Variants in LRRC8B observed in about 807,000 individuals in gnomAD.
LRRC8B encodes leucine rich repeat containing 8 VRAC subunit B.
In LRRC8B, 23 loss-of-function variants were observed where a neutral mutation model predicts 58.8. The ratio of observed to expected loss-of-function variants is 0.39; its 90% CI spans 0.28 to 0.55. The LOEUF (loss-of-function observed/expected upper bound fraction) is 0.55. LRRC8B is among the 20% of genes least tolerant of loss of function. The pLI is 0.62. For synonymous variants in LRRC8B, 359 were observed against 374.1 expected (o/e 0.96, Z 0.47); for missense variants, 694 against 936.0 (o/e 0.74, Z 3.37).
At chr1:89,532,749 C>T (rs982695056) in intron 1 of LRRC8B, among the ~76,000 whole-genome samples, 1 of 152,240 alleles carries the variant, frequency 6.6e-6, no homozygotes, top group African/African-American at 2.4e-5. Context: ...TGGACTAATA[C>T]ACCAATTAGT....
chr1:89,578,291 G>T (rs952762941), intron 3 of LRRC8B, among the ~76,000 whole-genome samples: 1 of 152,130 alleles, frequency 6.6e-6, no homozygotes, highest in African/African-American at 2.4e-5. Context: ...TTCTTTTCTG[G>T]CATGTTACAA....
At chr1:89,530,560 G>A (rs1418966474) in intron 1 of LRRC8B, among the ~76,000 whole-genome samples, 4 of 152,126 alleles carry the variant, frequency 2.6e-5, no homozygotes, top group African/African-American at 7.2e-5. Flanking sequence ...TATTTTTGTA[G>A]AGGGCCAGAG....
chr1:89,570,311 T>A (rs1653365812), intron 3 of LRRC8B, among the ~76,000 whole-genome samples: 1 of 152,242 alleles, frequency 6.6e-6, no homozygotes, highest in African/African-American at 2.4e-5. Context: ...TCTTCTACAA[T>A]GGTTGAACTA....
Position 89,580,402 on chromosome 1 carries a change from G to A in LRRC8B, c.-27+714G>A, listed in dbSNP as rs113594665. The stretch of plus-strand genomic sequence containing the variant: ...CAGATGTTATAATCAGTATTTCAGC[G>A]TAACAGCTGTCTCATGACTAGCTGA... On this transcript the variant is annotated intron_variant, in intron 4 of 5. Transcript: ENST00000330947. Among the ~76,000 whole-genome samples the A allele has an allele frequency of 1.0e-2, 1,519 of 152,262 alleles. 24 individuals are homozygous for A. Among genetic ancestry groups the A allele is most frequent in the African/African-American group, 0.035 (1,436 of 41,524 alleles).
rs1159412077 is a variant in LRRC8B, at chr1:89,595,718, A to G, written c.*2675A>G. 4 of 152,166 alleles carry G rather than the reference A, an allele frequency of 2.6e-5. No individual in the cohort carries two copies. Among genetic ancestry groups the G allele is most frequent in the Non-Finnish European group, 5.9e-5 (4 of 67,976 alleles). 9.4% of individuals were successfully genotyped at this position (152,166 alleles called of 1,614,324 possible). ...TTTTGAGACAAGGTAGCCCTGATGC[A>G]AGGAAAAATGAGGCTACTACTTCAC... On this transcript the variant is annotated 3_prime_UTR_variant, in exon 6 of 6. Transcript: ENST00000330947.
At chr1:89,532,600 G>A (rs1264074084) in intron 1 of LRRC8B, among the ~76,000 whole-genome samples, 1 of 152,134 alleles carries the variant, frequency 6.6e-6, no homozygotes, top group African/African-American at 2.4e-5. Flanking sequence ...CTGTCTCCTG[G>A]CACCCTGTGA....
At chr1:89,530,835 T>C (rs1158485217) in intron 1 of LRRC8B, among the ~76,000 whole-genome samples, 2 of 152,148 alleles carry the variant, frequency 1.3e-5, no homozygotes, top group African/African-American at 4.8e-5. Context: ...GGGGGTGCTA[T>C]TGACAGGTGC....
At position 89,597,413 on chromosome 1, in the gene LRRC8B, G is replaced by C. The variant is rs1655348332; in HGVS notation, c.*4370G>C. The stretch of plus-strand genomic sequence containing the variant: ...TGCATGTTGTACATTATCTCTAACA[G>C]AGATGGTGCAATTTTAAGAATACAA... On this transcript the variant is annotated 3_prime_UTR_variant, in exon 6 of 6. Transcript: ENST00000330947. 1 of 152,162 alleles carries C rather than the reference G, an allele frequency of 6.6e-6. No homozygotes were observed. Among genetic ancestry groups the C allele is most frequent in the Non-Finnish European group, 1.5e-5 (1 of 68,032 alleles). The allele number at this position is 152,162 out of a possible 1,614,324, so 9.4% of individuals were successfully genotyped here. A position where few individuals can be genotyped will look rare whatever the true frequency, so the allele number is the denominator to read the frequency against.
At chr1:89,554,855 C>T (rs1332489407) in intron 1 of LRRC8B, among the ~76,000 whole-genome samples, 1 of 152,140 alleles carries the variant, frequency 6.6e-6, no homozygotes, top group Non-Finnish European at 1.5e-5. Context: ...TCTTTTTGCC[C>T]TTCAAATTTG....
intron 1 of LRRC8B, among the ~76,000 whole-genome samples, chr1:89,542,504 G>A (rs555890459): frequency 2.6e-5 from 4 of 152,164 alleles, no homozygotes; most frequent in Non-Finnish European, 5.9e-5. Context: ...TTTACTGAAT[G>A]ACTGAGTGAA....
chr1:89,558,388 A>G (rs1189167951), intron 1 of LRRC8B, among the ~76,000 whole-genome samples: 1 of 152,102 alleles, frequency 6.6e-6, no homozygotes, highest in Non-Finnish European at 1.5e-5. Flanking sequence ...CTGAGACATC[A>G]CTTTGTCTTT....
intron 4 of LRRC8B, among the ~76,000 whole-genome samples, chr1:89,582,224 A>G (rs1228199879): frequency 7.9e-6 from 1 of 126,468 alleles, no homozygotes; most frequent in Non-Finnish European, 1.9e-5. Context: ...AAAAAAAAGG[A>G]AGAAAAAAAG....
chr1:89,532,117 C>G (rs773177565), intron 1 of LRRC8B, among the ~76,000 whole-genome samples: 2 of 152,168 alleles, frequency 1.3e-5, no homozygotes, highest in Non-Finnish European at 2.9e-5. Context: ...ACTTTCTTCT[C>G]AAGAGTCAGC....
chr1:89,579,513 G>T (rs188590269), intron 3 of LRRC8B, 78 bp from the exon 4 acceptor site: 1 of 152,724 alleles, frequency 6.5e-6, no homozygotes, highest in East Asian at 1.9e-4. Flanking sequence ...ATGACTGAGA[G>T]GGCTTCTGGA....
At position 89,595,802 on chromosome 1, in the gene LRRC8B, A is replaced by G. The variant is rs1489388766; in HGVS notation, c.*2759A>G. The G allele has an allele frequency of 3.3e-5, 5 of 152,168 alleles. No homozygotes were observed. Among genetic ancestry groups the G allele is most frequent in the African/African-American group, 1.2e-4 (5 of 41,468 alleles). The allele number at this position is 152,168 out of a possible 1,614,324, so 9.4% of individuals were successfully genotyped here. The stretch of plus-strand genomic sequence containing the variant: ...TACTGTTGGAGCAGATCTTTATTTT[A>G]CAAGTGTTCATATTCACATAAGAGA... On this transcript the variant is annotated 3_prime_UTR_variant, in exon 6 of 6. Coordinates refer to ENST00000330947, the MANE Select transcript of LRRC8B (RefSeq NM_001369817.2).
At chr1:89,549,209 A>C (rs888777985) in intron 1 of LRRC8B, among the ~76,000 whole-genome samples, 1 of 152,244 alleles carries the variant, frequency 6.6e-6, no homozygotes, top group African/African-American at 2.4e-5. Flanking sequence ...AAACAAAACC[A>C]GAGCAGTTCT....
Position 89,593,212 on chromosome 1 carries a change from T to G in LRRC8B, c.*169T>G, listed in dbSNP as rs1485590105. ...CAACCTGGTGAAACCCCATCTCTGC[T>G]AAAACTACAAAAAAATTAGCCAGGC... On this transcript the variant is annotated 3_prime_UTR_variant, in exon 6 of 6. Coordinates refer to ENST00000330947, the MANE Select transcript of LRRC8B (RefSeq NM_001369817.2). The G allele has an allele frequency of 1.6e-6, 1 of 614,490 alleles. No homozygotes were observed. The highest frequency in any genetic ancestry group is 2.8e-6 in the Non-Finnish European group (1 of 358,076). The allele number at this position is 614,490 out of a possible 1,614,324, so 38.1% of individuals were successfully genotyped here.
chr1:89,546,037 C>CTA (rs1175153608), intron 1 of LRRC8B, among the ~76,000 whole-genome samples: 2 of 151,992 alleles, frequency 1.3e-5, no homozygotes. Context: ...ATTCATACTT[C>CTA]TATATACATT....
chr1:89,582,614 C>T lies in LRRC8B; in HGVS notation c.-26-11C>T, dbSNP rs1226321461. The stretch of plus-strand genomic sequence containing the variant: ...TGCTTCAGTAGTGTTTCTTTTATTT[C>T]CCTCTTCCAGTTTCTGTCCTCCTAC... On this transcript the variant is annotated splice_polypyrimidine_tract_variant and intron_variant, in intron 4 of 5. Coordinates refer to ENST00000330947, the MANE Select transcript of LRRC8B (RefSeq NM_001369817.2). 4.1e-6 allele frequency: 6 copies of T among 1,475,584 alleles called. No homozygotes were observed. Among genetic ancestry groups the T allele is most frequent in the Non-Finnish European group, 5.6e-6 (6 of 1,062,468 alleles). 91.4% of individuals were successfully genotyped at this position (1,475,584 alleles called of 1,614,324 possible). A position where few individuals can be genotyped will look rare whatever the true frequency, so the allele number is the denominator to read the frequency against.
Sources: allele counts gnomAD v4.1 joint callset (sites outside exome capture counted in the v4.1 genomes callset), GRCh38; gene constraint gnomAD v4.1.1; transcripts MANE v1.5; gene names NCBI Gene and HGNC (gene_info 2026-07-23, HGNC 2026-07-21).